Variants in CNTN5 observed in about 807,000 individuals in gnomAD.
CNTN5 encodes contactin-5.
In CNTN5, 77 loss-of-function variants were observed where a neutral mutation model predicts 129.1. The observed-to-expected ratio is 0.60, with a 90% CI of 0.50 to 0.72. The LOEUF (loss-of-function observed/expected upper bound fraction) is 0.72. CNTN5 is among the 30% of genes least tolerant of loss of function. CNTN5 has a pLI of 0.00. For synonymous variants in CNTN5, 509 were observed against 465.6 expected, an observed-to-expected ratio of 1.09 and a Z score of -1.20; for missense variants, 1,478 against 1,328.8, an observed-to-expected ratio of 1.11 and a Z score of -1.75.
At chr11:99,274,381 A>G (rs1207715431) in intron 1 of CNTN5, among the ~76,000 whole-genome samples, 2 of 151,712 alleles carry the variant, frequency 1.3e-5, no homozygotes, top group Non-Finnish European at 2.9e-5. Flanking sequence ...TTAACAGAGC[A>G]TTGTACCAGT....
At chr11:99,630,830 C>G (rs1177645593) in intron 3 of CNTN5, among the ~76,000 whole-genome samples, 3 of 152,056 alleles carry the variant, frequency 2.0e-5, no homozygotes, top group Non-Finnish European at 2.9e-5. Flanking sequence ...CCCTTGTGGA[C>G]CATTTGCTAA....
At chr11:99,320,560 A>G (rs146948994) in intron 1 of CNTN5, among the ~76,000 whole-genome samples, 2,003 of 152,290 alleles carry the variant, frequency 0.013, 55 homozygotes, top group African/African-American at 0.045. Flanking sequence ...ACACGGAGGA[A>G]TTCAACACTT....
chr11:99,992,014 C>T (rs938836112), intron 8 of CNTN5, among the ~76,000 whole-genome samples: 4 of 151,986 alleles, frequency 2.6e-5, no homozygotes, highest in Admixed American at 6.6e-5. Context: ...ATGTCTCAAA[C>T]GAAGCAATGA....
chr11:99,753,845 A>G (rs61911569), intron 3 of CNTN5, among the ~76,000 whole-genome samples: 27,670 of 150,686 alleles, frequency 0.18, 3,388 homozygotes, highest in East Asian at 0.62. Context: ...GTGCCACCAC[A>G]CCCAACTAAT....
chr11:99,200,424 A>G lies in CNTN5; in HGVS notation c.-209-124922A>G, dbSNP rs968163480. 3.3e-5 allele frequency among the ~76,000 whole-genome samples: 5 copies of G among 152,222 alleles called. No individual in the cohort carries two copies. In the South Asian group the frequency reaches 6.2e-4, roughly 19 times the overall value. ...ACCATCAGTACCCAAAGTACGATTC[A>G]GAATTTTCAGCTTTAATTGCATCTT... On this transcript the variant is annotated intron_variant, in intron 1 of 24. Coordinates refer to ENST00000524871, the MANE Select transcript of CNTN5 (RefSeq NM_014361.4).
chr11:99,278,130 A>G (rs1863529207), intron 1 of CNTN5, among the ~76,000 whole-genome samples: 1 of 151,608 alleles, frequency 6.6e-6, no homozygotes, highest in South Asian at 2.1e-4. Flanking sequence ...TTTTCCTCAC[A>G]CAGTGTCAGT....
chr11:100,014,271 C>T (rs188308982), intron 9 of CNTN5, among the ~76,000 whole-genome samples: 1 of 152,146 alleles, frequency 6.6e-6, no homozygotes, highest in African/African-American at 2.4e-5. Context: ...GTATCTCTAA[C>T]TCACCTCAAA....
chr11:99,403,912 A>AT (rs921585126), intron 2 of CNTN5, among the ~76,000 whole-genome samples: 1 of 151,890 alleles, frequency 6.6e-6, no homozygotes, highest in Non-Finnish European at 1.5e-5. Context: ...TTCTTTGTTG[A>AT]TTTTCTGTCT....
At chr11:99,685,347 C>T (rs933326810) in intron 3 of CNTN5, among the ~76,000 whole-genome samples, 1 of 151,706 alleles carries the variant, frequency 6.6e-6, no homozygotes, top group Non-Finnish European at 1.5e-5. Flanking sequence ...ACCATAGTTG[C>T]TGAGTACAGT....
At chr11:100,077,254 C>T (rs1480639761) in intron 13 of CNTN5, among the ~76,000 whole-genome samples, 1 of 152,106 alleles carries the variant, frequency 6.6e-6, no homozygotes, top group African/African-American at 2.4e-5. Context: ...TTATAACTTA[C>T]ATTGGGTGTG....
intron 14 of CNTN5, 37 bp from the exon 15 acceptor site, chr11:100,193,451 G>A: frequency 7.7e-7 from 1 of 1,291,296 alleles, no homozygotes; most frequent in East Asian, 2.5e-5. Context: ...AACACAACAG[G>A]TTGATTATCT....
chr11:99,108,636 A>C (rs1857634825), intron 1 of CNTN5, among the ~76,000 whole-genome samples: 1 of 152,194 alleles, frequency 6.6e-6, no homozygotes, highest in Non-Finnish European at 1.5e-5. Flanking sequence ...ATAGTATCCA[A>C]ATACCAATAT....
chr11:99,092,905 A>T (rs1328009392), intron 1 of CNTN5, among the ~76,000 whole-genome samples: 1 of 151,942 alleles, frequency 6.6e-6, no homozygotes, highest in Non-Finnish European at 1.5e-5. Flanking sequence ...CTTTATAATA[A>T]TTTTTTTGAG....
Position 100,285,145 on chromosome 11 carries a change from T to C in CNTN5, c.2315-12480T>C, listed in dbSNP as rs928601290. Among the ~76,000 whole-genome samples, 24 of 152,228 alleles carry C rather than the reference T, an allele frequency of 1.6e-4. 1 individual carries two copies. The highest frequency in any genetic ancestry group is 4.4e-5 in the Non-Finnish European group (3 of 68,030). Reference sequence around the variant, plus strand: ...AAGATATTTTATTGTATCACCTCCATCATTAATTTAAATGAGTTATTACTT... The same window carrying C: ...AAGATATTTTATTGTATCACCTCCACCATTAATTTAAATGAGTTATTACTT... On this transcript the variant is annotated intron_variant, in intron 18 of 24. Coordinates refer to ENST00000524871, the MANE Select transcript of CNTN5 (RefSeq NM_014361.4).
At chr11:99,569,540 C>T (rs1302614975) in intron 3 of CNTN5, among the ~76,000 whole-genome samples, 1 of 152,124 alleles carries the variant, frequency 6.6e-6, no homozygotes, top group Non-Finnish European at 1.5e-5. Flanking sequence ...TCTCGAACTC[C>T]TGACCTTGTG....
At chr11:100,292,597 G>A (rs1951014115) in intron 18 of CNTN5, among the ~76,000 whole-genome samples, 1 of 151,932 alleles carries the variant, frequency 6.6e-6, no homozygotes, top group Non-Finnish European at 1.5e-5. Flanking sequence ...TGGTTGTCTT[G>A]CTCCTGTCCT....
chr11:100,060,794 C>T (rs1419278018), intron 9 of CNTN5, among the ~76,000 whole-genome samples: 2 of 151,932 alleles, frequency 1.3e-5, no homozygotes, highest in African/African-American at 2.4e-5. Flanking sequence ...CGCCCACCAC[C>T]ATGCCTGGCT....
chr11:99,951,042 A>G (rs1428645131), intron 7 of CNTN5, among the ~76,000 whole-genome samples: 2 of 152,084 alleles, frequency 1.3e-5, no homozygotes, highest in African/African-American at 4.8e-5. Context: ...TATTGCATTT[A>G]ACCTTCCCTT....
intron 9 of CNTN5, 113 bp from the exon 10 acceptor site, chr11:100,061,099 T>C: frequency 1.3e-6 from 1 of 781,588 alleles, no homozygotes; most frequent in South Asian, 3.1e-5. Flanking sequence ...GGTCCTTAAT[T>C]GTGATTACAT....
Sources: gnomAD v4.1 joint callset for allele counts (sites outside exome capture counted in the v4.1 genomes callset) on GRCh38, gnomAD v4.1.1 for gene constraint, MANE v1.5 for transcripts, NCBI Gene and HGNC (gene_info 2026-07-23, HGNC 2026-07-21) for gene names.